Variants in FBXL7 observed in about 807,000 individuals in gnomAD.
FBXL7 encodes F-box and leucine rich repeat protein 7.
In FBXL7, 12 loss-of-function variants were observed where a neutral mutation model predicts 38.3. The ratio of observed to expected loss-of-function variants is 0.31; its 90% CI spans 0.20 to 0.51. The LOEUF (loss-of-function observed/expected upper bound fraction) is 0.51, where lower values mean the gene tolerates loss of function less well. FBXL7 is among the 20% of genes least tolerant of loss of function. The probability of loss-of-function intolerance (pLI) is 0.98; values close to 1 mark genes in which losing one functional copy is unlikely to be tolerated. For missense variants in FBXL7, 567 were observed against 676.4 expected (o/e 0.84, Z 1.79); for synonymous variants, 297 against 300.9 (o/e 0.99, Z 0.13).
chr5:15,522,319 A>G (rs1462409150), intron 1 of FBXL7, among the ~76,000 whole-genome samples: 1 of 151,792 alleles, frequency 6.6e-6, no homozygotes, highest in Non-Finnish European at 1.5e-5. Flanking sequence ...CAAAATCTGT[A>G]TGTATTTGAT....
intron 2 of FBXL7, among the ~76,000 whole-genome samples, chr5:15,744,714 C>G (rs1245335631): frequency 6.6e-6 from 1 of 152,184 alleles, no homozygotes; most frequent in Non-Finnish European, 1.5e-5. Flanking sequence ...AATCCATTCT[C>G]ACACTACTAA....
At chr5:15,775,211 A>T (rs1736828341) in intron 2 of FBXL7, among the ~76,000 whole-genome samples, 1 of 152,228 alleles carries the variant, frequency 6.6e-6, no homozygotes, top group East Asian at 1.9e-4. Context: ...ATGTAGTAAT[A>T]AAAGGATCAT....
chr5:15,623,411 G>GT (rs1055534323), intron 2 of FBXL7, among the ~76,000 whole-genome samples: 3 of 152,290 alleles, frequency 2.0e-5, no homozygotes, highest in Admixed American at 1.3e-4. Context: ...CATTTTAAAT[G>GT]TATCATTGGA....
intron 1 of FBXL7, among the ~76,000 whole-genome samples, chr5:15,519,743 T>C (rs955397044): frequency 1.3e-5 from 2 of 152,260 alleles, no homozygotes; most frequent in African/African-American, 4.8e-5. Flanking sequence ...AAATAGTGTA[T>C]TGGTATGATT....
intron 2 of FBXL7, among the ~76,000 whole-genome samples, chr5:15,824,946 G>A (rs961486379): frequency 3.3e-5 from 5 of 152,190 alleles, no homozygotes; most frequent in Admixed American, 6.5e-5. Context: ...CACAAGCAGT[G>A]TCAAAGCCAG....
chr5:15,923,404 A>G (rs1224504073), intron 2 of FBXL7, among the ~76,000 whole-genome samples: 1 of 152,236 alleles, frequency 6.6e-6, no homozygotes, highest in Non-Finnish European at 1.5e-5. Context: ...GGTACTCTTT[A>G]TAATAATATC....
chr5:15,867,748 A>T (rs1041367703), intron 2 of FBXL7, among the ~76,000 whole-genome samples: 4 of 152,308 alleles, frequency 2.6e-5, no homozygotes, highest in Admixed American at 6.5e-5. Context: ...ACACAACCAC[A>T]ACAAAGAGGC....
intron 2 of FBXL7, among the ~76,000 whole-genome samples, chr5:15,880,130 G>T (rs537061197): frequency 6.6e-6 from 1 of 152,072 alleles, no homozygotes; most frequent in African/African-American, 2.4e-5. Flanking sequence ...CTAAAATCAC[G>T]GCTACTATTA....
Position 15,545,130 on chromosome 5 carries a change from C to G in FBXL7, c.37+44417C>G, listed in dbSNP as rs143817856. 1.0e-3 allele frequency among the ~76,000 whole-genome samples: 152 copies of G among 152,318 alleles called. 3 individuals carry two copies. Among genetic ancestry groups the G allele is most frequent in the African/African-American group, 3.5e-3 (146 of 41,564 alleles). On this transcript the variant is annotated intron_variant, in intron 1 of 3. Coordinates refer to ENST00000504595, the MANE Select transcript of FBXL7 (RefSeq NM_012304.5). ...TTAGGAAGACTTAAGCTTATTTCTT[C>G]TGACTCCATTCTCAATGCTCACATT...
intron 2 of FBXL7, among the ~76,000 whole-genome samples, chr5:15,901,368 T>C (rs1044018052): frequency 2.6e-5 from 4 of 152,150 alleles, no homozygotes; most frequent in Non-Finnish European, 5.9e-5. Flanking sequence ...AAAGCACTAA[T>C]TCCATTCATG....
intron 2 of FBXL7, among the ~76,000 whole-genome samples, chr5:15,724,983 A>T (rs1026968443): frequency 2.6e-5 from 4 of 152,184 alleles, no homozygotes; most frequent in African/African-American, 9.6e-5. Context: ...AACATTATTT[A>T]AAAATACAGG....
chr5:15,816,739 A>G (rs1430474848), intron 2 of FBXL7, among the ~76,000 whole-genome samples: 1 of 152,222 alleles, frequency 6.6e-6, no homozygotes, highest in Admixed American at 6.5e-5. Flanking sequence ...ATACAAATAA[A>G]AAGTATTTAA....
chr5:15,546,991 A>G (rs1737917703), intron 1 of FBXL7, among the ~76,000 whole-genome samples: 1 of 152,208 alleles, frequency 6.6e-6, no homozygotes, highest in Non-Finnish European at 1.5e-5. Flanking sequence ...AATATTTAAA[A>G]GCCAGGTGGA....
rs976056130 is a variant in FBXL7 at position 15,524,461 on chromosome 5, C to T, written c.37+23748C>T. Among the ~76,000 whole-genome samples the T allele has an allele frequency of 1.3e-5, 2 of 152,158 alleles. 1 individual carries two copies. The highest frequency in any genetic ancestry group is 4.1e-4 in the South Asian group (2 of 4,830). ...GGAATTCTATTTTAATTTCCTTTTT[C>T]TCTTTTGAATCAAAATGGTAACTGT... On this transcript the variant is annotated intron_variant, in intron 1 of 3. Transcript: ENST00000504595.
intron 2 of FBXL7, among the ~76,000 whole-genome samples, chr5:15,845,542 A>T: frequency 6.6e-6 from 1 of 152,216 alleles, no homozygotes; most frequent in East Asian, 1.9e-4. Context: ...TCTGTTAAAT[A>T]TTAAAATGAT....
intron 2 of FBXL7, among the ~76,000 whole-genome samples, chr5:15,660,004 T>C (rs953810161): frequency 1.3e-5 from 2 of 152,250 alleles, no homozygotes; most frequent in African/African-American, 4.8e-5. Context: ...AAATGCATGA[T>C]AGTGAATTCC....
intron 2 of FBXL7, among the ~76,000 whole-genome samples, chr5:15,899,725 C>T (rs924399056): frequency 6.6e-6 from 1 of 152,108 alleles, no homozygotes; most frequent in African/African-American, 2.4e-5. Context: ...AACAAAAAGA[C>T]CCATAATCTA....
intron 2 of FBXL7, among the ~76,000 whole-genome samples, chr5:15,658,498 C>G (rs1003992614): frequency 6.6e-6 from 1 of 152,110 alleles, no homozygotes; most frequent in Non-Finnish European, 1.5e-5. Context: ...AGGGGCTTCA[C>G]CCTTTGTAGC....
intron 2 of FBXL7, among the ~76,000 whole-genome samples, chr5:15,838,741 A>G: frequency 6.6e-6 from 1 of 152,022 alleles, no homozygotes; most frequent in East Asian, 1.9e-4. Flanking sequence ...CTTTATTGAC[A>G]TCTCTTCCTC....
Sources: gnomAD v4.1 joint callset for allele counts (sites outside exome capture counted in the v4.1 genomes callset) on GRCh38, gnomAD v4.1.1 for gene constraint, MANE v1.5 for transcripts, NCBI Gene and HGNC (gene_info 2026-07-23, HGNC 2026-07-21) for gene names.